The following PARD3B variants were observed in gnomAD, a reference collection of about 807,000 sequenced individuals.
The protein encoded by PARD3B is par-3 family cell polarity regulator beta.
PARD3B carries 103 observed loss-of-function variants against 130.2 expected under a neutral mutation model. That is an observed-to-expected ratio of 0.79 (90% CI 0.67 to 0.93). PARD3B has a LOEUF of 0.93. Among genes scored for constraint, PARD3B ranks in the 40% least tolerant of loss-of-function variants. The pLI is 0.00. For synonymous variants in PARD3B, 583 were observed against 553.2 expected, an observed-to-expected ratio of 1.05 and a Z score of -0.76; for missense variants, 1,609 against 1,499.2, an observed-to-expected ratio of 1.07 and a Z score of -1.21.
In PARD3B at chr2:205,589,505, T is replaced by G. The variant is rs78020306; in HGVS notation, c.3261-25951T>G. Among the ~76,000 whole-genome samples the G allele has an allele frequency of 0.014, 2,139 of 152,250 alleles. 55 individuals are homozygous for G. Among genetic ancestry groups the G allele is most frequent in the African/African-American group, 0.049 (2,019 of 41,556 alleles). The stretch of plus-strand genomic sequence containing the variant: ...GATGAGGAACTAATCAAGGTGCATG[T>G]TTCTGTGTCTGGAAGTAGGAGCAGG... On this transcript the variant is annotated intron_variant, in intron 22 of 22. Coordinates refer to ENST00000406610, the MANE Select transcript of PARD3B (RefSeq NM_001302769.2). This position sits in a 1 kb window ranked among gnomAD's most constrained non-coding sequence, Gnocchi z 4.1.
chr2:204,607,061 G>A (rs2033748471), intron 1 of PARD3B, among the ~76,000 whole-genome samples: 1 of 152,130 alleles, frequency 6.6e-6, no homozygotes, highest in African/African-American at 2.4e-5. Context: ...TTACCACTGA[G>A]GGACTGCAAA....
chr2:205,512,020 A>C (rs997238534), intron 21 of PARD3B, among the ~76,000 whole-genome samples: 1 of 152,212 alleles, frequency 6.6e-6, no homozygotes, highest in African/African-American at 2.4e-5. Context: ...ATTCACAGAA[A>C]GCTTACCTCT....
chr2:205,008,026 T>C (rs1395110364), intron 3 of PARD3B, among the ~76,000 whole-genome samples: 2 of 151,856 alleles, frequency 1.3e-5, no homozygotes, highest in East Asian at 3.9e-4. Flanking sequence ...TAGCACTTTA[T>C]TTTTTTTGAT....
intron 2 of PARD3B, among the ~76,000 whole-genome samples, chr2:204,797,416 T>C (rs979644355): frequency 1.3e-5 from 2 of 152,134 alleles, no homozygotes; most frequent in East Asian, 1.9e-4. Context: ...TCAAAGAAAA[T>C]GTAATCAGTT....
At chr2:205,398,891 C>T (rs191074312) in intron 18 of PARD3B, among the ~76,000 whole-genome samples, 283 of 152,242 alleles carry the variant, frequency 1.9e-3, no homozygotes, top group Non-Finnish European at 3.1e-3. Flanking sequence ...GTCAGGTCCT[C>T]ATGTGAGGAG....
At chr2:204,685,805 G>A (rs1175421978) in intron 1 of PARD3B, among the ~76,000 whole-genome samples, 3 of 152,096 alleles carry the variant, frequency 2.0e-5, no homozygotes, top group Non-Finnish European at 1.5e-5. Context: ...TTTGGAATCT[G>A]TTTGGACTTT....
At chr2:205,144,878 A>G (rs2033235470) in intron 10 of PARD3B, among the ~76,000 whole-genome samples, 2 of 152,152 alleles carry the variant, frequency 1.3e-5, no homozygotes, top group African/African-American at 2.4e-5. Context: ...CTATGCTTTT[A>G]TTGTTTGATT....
intron 2 of PARD3B, among the ~76,000 whole-genome samples, chr2:204,772,044 A>G (rs936485945): frequency 1.3e-5 from 2 of 152,106 alleles, no homozygotes. Context: ...CTTTGCATGA[A>G]CAAAACAATT....
chr2:205,344,616 C>G (rs1190673052), intron 18 of PARD3B, among the ~76,000 whole-genome samples: 3 of 152,218 alleles, frequency 2.0e-5, no homozygotes, highest in East Asian at 3.8e-4. Flanking sequence ...GCGGAACATA[C>G]TCTTCAATAC....
rs968085307 is a variant in PARD3B, at chr2:205,122,246, A to G, written c.1165+297A>G. 1.3e-5 allele frequency among the ~76,000 whole-genome samples: 2 copies of G among 152,238 alleles called. No homozygotes were observed. The highest frequency in any genetic ancestry group is 4.8e-5 in the African/African-American group (2 of 41,468). The stretch of plus-strand genomic sequence containing the variant: ...ATTGTATTACAACTTAATACCAAAT[A>G]GGCATGAAAATTCAGTTGTCCCTGT... On this transcript the variant is annotated intron_variant, in intron 8 of 22. Transcript: ENST00000406610. This position sits in a 1 kb window ranked among gnomAD's most constrained non-coding sequence, Gnocchi z 4.3.
intron 22 of PARD3B, among the ~76,000 whole-genome samples, chr2:205,567,976 G>A (rs1343462105): frequency 6.6e-6 from 1 of 152,150 alleles, no homozygotes; most frequent in Admixed American, 6.5e-5. Flanking sequence ...GCATGTTGAG[G>A]TACTTAACTT....
chr2:204,958,804 A>G (rs772453310), intron 2 of PARD3B, among the ~76,000 whole-genome samples: 8 of 152,124 alleles, frequency 5.3e-5, no homozygotes, highest in Non-Finnish European at 1.0e-4. Context: ...CACTTTTACT[A>G]GTGATATTGA....
intron 2 of PARD3B, among the ~76,000 whole-genome samples, chr2:204,939,182 C>T (rs1010602621): frequency 1.3e-5 from 2 of 151,916 alleles, no homozygotes; most frequent in Non-Finnish European, 2.9e-5. Flanking sequence ...AATATATTAC[C>T]CTCATTTTGA....
chr2:205,156,227 A>G (rs1027014846), intron 10 of PARD3B, among the ~76,000 whole-genome samples: 6 of 132,426 alleles, frequency 4.5e-5, no homozygotes, highest in East Asian at 2.6e-4. Flanking sequence ...ACACATGGAC[A>G]CAGGAAGGGG....
intron 1 of PARD3B, among the ~76,000 whole-genome samples, chr2:204,596,960 C>A (rs35663914): frequency 0.2 from 29,962 of 148,866 alleles, 3,117 homozygotes; most frequent in African/African-American, 0.26. Context: ...CTCTCTCTCT[C>A]TCTATATATA....
chr2:204,975,560 T>A (rs1050805814), intron 3 of PARD3B, among the ~76,000 whole-genome samples: 1 of 152,220 alleles, frequency 6.6e-6, no homozygotes, highest in Non-Finnish European at 1.5e-5. Flanking sequence ...AAGAATGTGT[T>A]GTGCCTAGTC....
rs1288782691 is a variant in PARD3B, at chr2:205,159,506, C to G, written c.1620+599C>G. On this transcript the variant is annotated intron_variant, in intron 11 of 22. Coordinates refer to ENST00000406610, the MANE Select transcript of PARD3B (RefSeq NM_001302769.2). ...TATAGTGTACTGGTTAGCTAGATGG[C>G]CGGTGTTCAAGTCCAGCTCAGTCCT... Among the ~76,000 whole-genome samples the G allele has an allele frequency of 2.0e-5, 3 of 152,142 alleles. No homozygotes were observed. In the East Asian group the frequency reaches 5.8e-4, roughly 29 times the overall value.
chr2:205,512,904 A>G (rs929018977), intron 21 of PARD3B, among the ~76,000 whole-genome samples: 1 of 151,710 alleles, frequency 6.6e-6, no homozygotes, highest in Non-Finnish European at 1.5e-5. Flanking sequence ...TTTTCCCATG[A>G]TCACTAATTG....
chr2:205,063,196 T>G (rs2125460498), intron 4 of PARD3B, among the ~76,000 whole-genome samples: 1 of 152,224 alleles, frequency 6.6e-6, no homozygotes, highest in South Asian at 2.1e-4. Flanking sequence ...GTTGGGGACA[T>G]CATAATCCTT....
Sources: allele counts gnomAD v4.1 joint callset (sites outside exome capture counted in the v4.1 genomes callset), GRCh38; gene constraint gnomAD v4.1.1; non-coding constraint Gnocchi (gnomAD v3.1); transcripts MANE v1.5; gene names NCBI Gene and HGNC (gene_info 2026-07-23, HGNC 2026-07-21).